Variants in PPP6R3 observed in about 807,000 individuals in gnomAD.
PPP6R3 encodes the protein serine/threonine-protein phosphatase 6 regulatory subunit 3.
PPP6R3 carries 38 observed loss-of-function variants against 110.7 expected under a neutral mutation model. The ratio of observed to expected loss-of-function variants is 0.34; its 90% CI spans 0.26 to 0.45. PPP6R3 has a LOEUF of 0.45. Among genes scored for constraint, PPP6R3 ranks in the 20% least tolerant of loss-of-function variants. The probability of loss-of-function intolerance (pLI) is 1.00; values close to 1 mark genes in which losing one functional copy is unlikely to be tolerated. For synonymous variants in PPP6R3, 369 were observed against 373.5 expected (o/e 0.99, Z 0.14); for missense variants, 870 against 1,062.4 (o/e 0.82, Z 2.52).
intron 2 of PPP6R3, among the ~76,000 whole-genome samples, chr11:68,525,474 G>A (rs982017893): frequency 6.6e-6 from 1 of 152,198 alleles, no homozygotes; most frequent in Non-Finnish European, 1.5e-5. Context: ...TTTCTTGCAC[G>A]TTAGGTTGCA....
intron 21 of PPP6R3, 28 bp downstream of exon 21, chr11:68,601,997 C>T (rs780818035): frequency 1.3e-6 from 2 of 1,545,558 alleles, no homozygotes; most frequent in Non-Finnish European, 1.8e-6. Flanking sequence ...TGGGTACACG[C>T]CAGGGTCACG....
rs2098697420 is a variant in PPP6R3 at position 68,460,793 on chromosome 11, G to C, written c.-192G>C. 6.6e-6 allele frequency: 1 copy of C among 152,246 alleles called. No individual in the cohort carries two copies. Among genetic ancestry groups the C allele is most frequent in the African/African-American group, 2.4e-5 (1 of 41,450 alleles). The allele number at this position is 152,246 out of a possible 1,614,324, so 9.4% of individuals were successfully genotyped here. Reference sequence around the variant, plus strand: ...GTGTCGGTGAGCGCGTTTCCCGCCTGAGCGCAACTAGCGGCGGGTCGTGGG... The same window carrying C: ...GTGTCGGTGAGCGCGTTTCCCGCCTCAGCGCAACTAGCGGCGGGTCGTGGG... On this transcript the variant is annotated 5_prime_UTR_variant, in exon 1 of 24. An upstream open reading frame in the 5' UTR loses its in-frame stop. Transcript: ENST00000393800.
At chr11:68,573,302 C>T (rs2099517720) in intron 12 of PPP6R3, among the ~76,000 whole-genome samples, 1 of 151,138 alleles carries the variant, frequency 6.6e-6, no homozygotes. Flanking sequence ...AAGTGTGCAC[C>T]ACCACGCCTG....
At chr11:68,544,809 A>G in intron 3 of PPP6R3, 29 bp from the exon 4 acceptor site, 1 of 1,460,418 alleles carries the variant, frequency 6.8e-7, no homozygotes, top group Non-Finnish European at 9.5e-7. Flanking sequence ...GTTAATAAAG[A>G]TGATGATGTA....
chr11:68,555,102 C>T (rs900702223), intron 7 of PPP6R3, among the ~76,000 whole-genome samples: 2 of 152,120 alleles, frequency 1.3e-5, no homozygotes, highest in Admixed American at 6.5e-5. Context: ...CCTGTCTTTG[C>T]GAAGTGGAAT....
chr11:68,558,509 T>G, intron 7 of PPP6R3, 57 bp from the exon 8 acceptor site: 13 of 1,133,362 alleles, frequency 1.1e-5, no homozygotes, highest in East Asian at 2.4e-5. Context: ...TCTTTTTTTC[T>G]GAGGTTGTTG....
intron 8 of PPP6R3, among the ~76,000 whole-genome samples, chr11:68,560,660 C>G (rs751090414): frequency 3.3e-5 from 5 of 152,192 alleles, no homozygotes; most frequent in Admixed American, 1.3e-4. Context: ...GTAGAGGGAA[C>G]TCTTTCCAAC....
intron 1 of PPP6R3, among the ~76,000 whole-genome samples, chr11:68,503,184 C>T (rs141152693): frequency 0.021 from 3,200 of 152,184 alleles, 69 homozygotes; most frequent in African/African-American, 0.049. Context: ...CCTCGTGATC[C>T]GCCTGCCTCA....
chr11:68,504,900 A>T (rs982685149), intron 1 of PPP6R3, among the ~76,000 whole-genome samples: 1 of 152,198 alleles, frequency 6.6e-6, no homozygotes, highest in Non-Finnish European at 1.5e-5. Context: ...CAGTAGACCA[A>T]ATCAGCCTCC....
At chr11:68,518,911 A>C (rs1425882403) in intron 1 of PPP6R3, among the ~76,000 whole-genome samples, 4 of 152,162 alleles carry the variant, frequency 2.6e-5, no homozygotes, top group Non-Finnish European at 5.9e-5. Context: ...CAATGTCCAC[A>C]GTTTAAGTCA....
chr11:68,492,576 TGG>T (rs777350523), intron 1 of PPP6R3, among the ~76,000 whole-genome samples: 27 of 152,242 alleles, frequency 1.8e-4, no homozygotes, highest in Non-Finnish European at 3.5e-4. Context: ...GCCATGAACA[TGG>T]GTGTATAAAT....
At chr11:68,542,393 T>TTTTTTTTTTTTTTTTG in intron 3 of PPP6R3, among the ~76,000 whole-genome samples, 1 of 99,526 alleles carries the variant, frequency 1.0e-5, no homozygotes, top group Non-Finnish European at 2.0e-5. Flanking sequence ...GCTGCTGTTT[T>TTTTTTTTTTTTTTTTG]TTTTTTTTTT....
chr11:68,573,341 G>A (rs1012191712), intron 12 of PPP6R3, among the ~76,000 whole-genome samples: 10 of 151,208 alleles, frequency 6.6e-5, no homozygotes, highest in Non-Finnish European at 1.2e-4. Flanking sequence ...AGTAGAGATG[G>A]GGTTTTGCCA....
intron 1 of PPP6R3, among the ~76,000 whole-genome samples, chr11:68,501,333 T>C (rs754964533): frequency 3.3e-5 from 5 of 152,206 alleles, no homozygotes; most frequent in Admixed American, 3.3e-4. Flanking sequence ...AGACAAATTA[T>C]TAGTATTATT....
chr11:68,605,060 C>T (rs184396582), intron 22 of PPP6R3, among the ~76,000 whole-genome samples: 133 of 152,222 alleles, frequency 8.7e-4, no homozygotes, highest in Non-Finnish European at 1.7e-3. Context: ...GTAAAGCTGG[C>T]CGAGTGTGGT....
intron 8 of PPP6R3, among the ~76,000 whole-genome samples, chr11:68,560,535 A>C (rs1003093514): frequency 3.9e-5 from 6 of 152,218 alleles, no homozygotes; most frequent in African/African-American, 1.2e-4. Context: ...GAGCAGCCCC[A>C]TATCAGTTGA....
chr11:68,537,941 G>A (rs2099278958), intron 3 of PPP6R3, 50 bp downstream of exon 3: 6 of 1,344,544 alleles, frequency 4.5e-6, no homozygotes, highest in East Asian at 2.3e-5. Context: ...TGAAGTGGGG[G>A]TAGAATATAC....
intron 1 of PPP6R3, among the ~76,000 whole-genome samples, chr11:68,497,416 G>A (rs1420943888): frequency 2.0e-5 from 3 of 151,510 alleles, no homozygotes; most frequent in East Asian, 3.9e-4. Context: ...GCAGTGCTGC[G>A]ATCACTGCTC....
intron 1 of PPP6R3, among the ~76,000 whole-genome samples, chr11:68,510,347 G>GT (rs986918575): frequency 6.6e-6 from 1 of 151,564 alleles, no homozygotes; most frequent in African/African-American, 2.4e-5. Context: ...ATTCTTCTTT[G>GT]TTTTTTTTGA....
Sources: gnomAD v4.1 joint callset for allele counts (sites outside exome capture counted in the v4.1 genomes callset) on GRCh38, gnomAD v4.1.1 for gene constraint, MANE v1.5 for transcripts, NCBI Gene and HGNC (gene_info 2026-07-23, HGNC 2026-07-21) for gene names.